The following COL26A1 variants were observed in gnomAD, a reference collection of about 807,000 sequenced individuals.
COL26A1 encodes the protein collagen type XXVI alpha 1 chain.
A neutral mutation model predicts 59.3 loss-of-function variants in COL26A1; 41 were observed. The observed-to-expected ratio is 0.69, with a 90% CI of 0.54 to 0.90. The LOEUF (loss-of-function observed/expected upper bound fraction) is 0.90, where lower values mean the gene tolerates loss of function less well. COL26A1 is among the 40% of genes least tolerant of loss of function. The pLI, the probability that COL26A1 is intolerant of heterozygous loss-of-function variation, is 0.00. For synonymous variants in COL26A1, 266 were observed against 256.0 expected, an observed-to-expected ratio of 1.04 and a Z score of -0.37; for missense variants, 612 against 602.3, an observed-to-expected ratio of 1.02 and a Z score of -0.17.
At chr7:101,498,879 G>A (rs1449572961) in intron 3 of COL26A1, among the ~76,000 whole-genome samples, 6 of 152,138 alleles carry the variant, frequency 3.9e-5, no homozygotes, top group Admixed American at 1.3e-4. Flanking sequence ...CACCGCGCGC[G>A]GCACCCCTGA....
At chr7:101,443,872 C>CTTTTTTTTTT (rs11352431) in intron 2 of COL26A1, among the ~76,000 whole-genome samples, 1 of 124,742 alleles carries the variant, frequency 8.0e-6, no homozygotes, top group Non-Finnish European at 1.7e-5. Context: ...TTTTTCTTTT[C>CTTTTTTTTTT]TTTTTTTTTT....
At position 101,555,870 on chromosome 7, in the gene COL26A1, C is replaced by T. The variant is rs754200239; in HGVS notation, c.1164C>T (p.His388=). 2.0e-5 allele frequency: 32 copies of T among 1,605,478 alleles called. No individual in the cohort carries two copies. Among genetic ancestry groups the T allele is most frequent in the East Asian group, 9.0e-5 (4 of 44,622 alleles). Residue 388 remains histidine (H), a splice_region_variant and synonymous_variant, in exon 12 of 13, where the codon CAC becomes CAT. Transcript: ENST00000313669. ...VLILEHMIGI[H]DPLASPEGGS... is the part of the protein sequence containing the mutation. ...TCCTGGAGCACATGATTGGGATCCACGGTGAGCAGTGACCAGGATCAGCGG... is the reference window on the plus strand; with the variant it reads ...TCCTGGAGCACATGATTGGGATCCATGGTGAGCAGTGACCAGGATCAGCGG...
chr7:101,493,265 T>G (rs1794507659), intron 3 of COL26A1, among the ~76,000 whole-genome samples: 1 of 128,194 alleles, frequency 7.8e-6, no homozygotes, highest in South Asian at 2.9e-4. Flanking sequence ...GCCCACTCTA[T>G]CAGACTGGCC....
intron 3 of COL26A1, among the ~76,000 whole-genome samples, chr7:101,509,406 A>G (rs180888315): frequency 1.3e-5 from 2 of 152,146 alleles, no homozygotes; most frequent in African/African-American, 4.8e-5. Context: ...AGATCGTGCC[A>G]CTGTACTCCA....
intron 2 of COL26A1, among the ~76,000 whole-genome samples, chr7:101,441,297 A>C (rs895327020): frequency 3.9e-5 from 6 of 152,100 alleles, no homozygotes; most frequent in African/African-American, 1.4e-4. Flanking sequence ...GTGAGTCTGC[A>C]ATTGAAGCTA....
At chr7:101,543,619 T>G (rs763126003) in intron 5 of COL26A1, among the ~76,000 whole-genome samples, 9 of 152,058 alleles carry the variant, frequency 5.9e-5, no homozygotes, top group Non-Finnish European at 1.3e-4. Flanking sequence ...TGGGGAGCAC[T>G]TTGCCACAAG....
intron 1 of COL26A1, among the ~76,000 whole-genome samples, chr7:101,391,485 T>C (rs1451291527): frequency 4.6e-5 from 7 of 152,324 alleles, no homozygotes; most frequent in Admixed American, 3.9e-4. Flanking sequence ...TCTTCATGTT[T>C]CTCATTTAGT....
intron 3 of COL26A1, among the ~76,000 whole-genome samples, chr7:101,485,326 G>A (rs1310639039): frequency 6.6e-6 from 1 of 152,192 alleles, no homozygotes; most frequent in African/African-American, 2.4e-5. Context: ...CCTGCGTGAG[G>A]TGCTCCCAGA....
At chr7:101,474,852 T>C (rs1481302209) in intron 3 of COL26A1, among the ~76,000 whole-genome samples, 11 of 152,072 alleles carry the variant, frequency 7.2e-5, no homozygotes, top group Admixed American at 7.2e-4. Context: ...TATGCTAAAT[T>C]TGATAAAAAA....
At position 101,558,835 on chromosome 7, in the gene COL26A1, C is replaced by T. The variant is rs1446871209; in HGVS notation, c.*1305C>T. 4 of 152,276 alleles carry T rather than the reference C, an allele frequency of 2.6e-5. No homozygotes were observed. Among genetic ancestry groups the T allele is most frequent in the Non-Finnish European group, 5.9e-5 (4 of 68,102 alleles). 9.4% of individuals were successfully genotyped at this position (152,276 alleles called of 1,614,324 possible). Reference sequence around the variant, plus strand: ...CACTCTGTCTTCACAGCAGGAGTGACTGTCTCCAGTGCTCTTGGTACTCCT... The same window carrying T: ...CACTCTGTCTTCACAGCAGGAGTGATTGTCTCCAGTGCTCTTGGTACTCCT... On this transcript the variant is annotated 3_prime_UTR_variant, in exon 13 of 13. Coordinates refer to ENST00000313669, the MANE Select transcript of COL26A1 (RefSeq NM_001278563.3).
At chr7:101,366,447 A>G (rs1176838448) in intron 1 of COL26A1, among the ~76,000 whole-genome samples, 2 of 104,798 alleles carry the variant, frequency 1.9e-5, no homozygotes, top group Admixed American at 2.4e-4. Flanking sequence ...CTTTAATTTC[A>G]TTGTTACTGC....
chr7:101,423,470 C>T (rs1235580184), intron 2 of COL26A1, among the ~76,000 whole-genome samples: 1 of 152,174 alleles, frequency 6.6e-6, no homozygotes, highest in East Asian at 1.9e-4. Context: ...CGTGGTGGCT[C>T]ACGCCTATAA....
intron 1 of COL26A1, among the ~76,000 whole-genome samples, chr7:101,401,000 G>A (rs1029305171): frequency 1.6e-4 from 24 of 152,306 alleles, no homozygotes; most frequent in African/African-American, 5.5e-4. Flanking sequence ...AGTTACACGG[G>A]TCAGGTGGAC....
At chr7:101,538,734 GCACCCTGGAGA>G (rs201399555) in intron 4 of COL26A1, among the ~76,000 whole-genome samples, 4,142 of 152,238 alleles carry the variant, frequency 0.027, 76 homozygotes, top group Middle Eastern at 0.037. Flanking sequence ...GCCGCTAAGT[GCACCCTGGAGA>G]CACCCCTGCT....
At chr7:101,524,240 C>G (rs1461501428) in intron 3 of COL26A1, among the ~76,000 whole-genome samples, 1 of 151,078 alleles carries the variant, frequency 6.6e-6, no homozygotes, top group Non-Finnish European at 1.5e-5. Flanking sequence ...CACTGCACTC[C>G]AGCCTGGGTG....
rs547697247 is a variant in COL26A1 at position 101,462,845 on chromosome 7, G to T, written c.385+15058G>T. Among the ~76,000 whole-genome samples, 115 of 152,120 alleles carry T rather than the reference G, an allele frequency of 7.6e-4. 2 individuals carry two copies. The South Asian group carries it at 0.016, about 21-fold the overall frequency. On this transcript the variant is annotated intron_variant, in intron 3 of 12. Transcript: ENST00000313669. ...AGACCAGGAGCCCCATGCCTGAGCT[G>T]CAAGGAGGGACTTGCAGGCAAGGTT...
intron 1 of COL26A1, among the ~76,000 whole-genome samples, chr7:101,369,003 T>C (rs1791118658): frequency 6.7e-6 from 1 of 149,828 alleles, no homozygotes; most frequent in Admixed American, 6.7e-5. Context: ...AGTATGTGTG[T>C]GTTTGTGTCT....
intron 8 of COL26A1, among the ~76,000 whole-genome samples, chr7:101,547,626 C>T (rs1445990713): frequency 4.6e-5 from 7 of 152,218 alleles, no homozygotes; most frequent in Non-Finnish European, 8.8e-5. Flanking sequence ...CCTGGCCTGA[C>T]CTTCCATCAT....
chr7:101,449,591 A>G (rs890420857), intron 3 of COL26A1, among the ~76,000 whole-genome samples: 1 of 152,086 alleles, frequency 6.6e-6, no homozygotes, highest in African/African-American at 2.4e-5. Flanking sequence ...CAACATGGTG[A>G]AACCCTGTCT....
Sources: allele counts gnomAD v4.1 joint callset (sites outside exome capture counted in the v4.1 genomes callset), GRCh38; gene constraint gnomAD v4.1.1; transcripts MANE v1.5; gene names NCBI Gene and HGNC (gene_info 2026-07-23, HGNC 2026-07-21).